Variants in LINGO1 observed in about 807,000 individuals in gnomAD.
The protein encoded by LINGO1 is leucine-rich repeat and immunoglobulin-like domain-containing nogo receptor-interacting protein 1.
LINGO1 carries 11 observed loss-of-function variants against 37.3 expected under a neutral mutation model. The observed-to-expected ratio is 0.29, with a 90% CI of 0.19 to 0.49. The LOEUF (loss-of-function observed/expected upper bound fraction) is 0.49, where lower values mean the gene tolerates loss of function less well. Among genes scored for constraint, LINGO1 ranks in the 20% least tolerant of loss-of-function variants. LINGO1 has a pLI of 0.99. For missense variants in LINGO1, 585 were observed against 878.2 expected (o/e 0.67, Z 4.22); for synonymous variants, 387 against 403.0 (o/e 0.96, Z 0.48).
At chr15:77,704,869 C>G (rs2075830348) in intron 2 of LINGO1, among the ~76,000 whole-genome samples, 1 of 152,132 alleles carries the variant, frequency 6.6e-6, no homozygotes, top group South Asian at 2.1e-4. Flanking sequence ...CACCCTGAAC[C>G]CTGTCTCTGG....
chr15:77,806,979 C>T (rs951209530), intron 1 of LINGO1, among the ~76,000 whole-genome samples: 6 of 152,190 alleles, frequency 3.9e-5, no homozygotes, highest in Non-Finnish European at 7.3e-5. Context: ...TCCCCACCTG[C>T]CATGCAAAGC....
intron 1 of LINGO1, among the ~76,000 whole-genome samples, chr15:77,694,266 C>T (rs543484130): frequency 3.9e-5 from 6 of 152,230 alleles, no homozygotes; most frequent in South Asian, 4.2e-4. Context: ...ACGCTCCCAC[C>T]GATTCTCTAC....
intron 1 of LINGO1, among the ~76,000 whole-genome samples, chr15:77,748,200 C>T (rs556947294): frequency 2.0e-5 from 3 of 152,256 alleles, no homozygotes; most frequent in Non-Finnish European, 2.9e-5. Context: ...CAGCACCACA[C>T]TCTCTGAGCT....
At chr15:77,697,535 G>C (rs1567530275), upstream of LINGO1, among the ~76,000 whole-genome samples, 1 of 152,158 alleles carries the variant, frequency 6.6e-6, no homozygotes. Flanking sequence ...CCAGCCCAGA[G>C]TTCCCACAGC....
chr15:77,659,668 A>T (rs1470358415), intron 3 of LINGO1, among the ~76,000 whole-genome samples: 2 of 152,192 alleles, frequency 1.3e-5, no homozygotes, highest in Non-Finnish European at 2.9e-5. Flanking sequence ...AGAAGCAAAG[A>T]GTGGCCAGTC....
intron 2 of LINGO1, among the ~76,000 whole-genome samples, chr15:77,721,508 C>A (rs552344329): frequency 6.6e-6 from 1 of 152,182 alleles, no homozygotes. Context: ...GTAGATACAC[C>A]GCAGCTTCAC....
At chr15:77,763,200 A>T (rs1055178706) in intron 1 of LINGO1, among the ~76,000 whole-genome samples, 1 of 152,182 alleles carries the variant, frequency 6.6e-6, no homozygotes, top group Non-Finnish European at 1.5e-5. Flanking sequence ...CTAATTAAGC[A>T]GTTTATGAAA....
chr15:77,689,603 G>C (rs1374807780), intron 2 of LINGO1, among the ~76,000 whole-genome samples: 1 of 152,164 alleles, frequency 6.6e-6, no homozygotes, highest in Non-Finnish European at 1.5e-5. Context: ...CTCCATGTGG[G>C]GGGTGGGAAG....
intron 1 of LINGO1, chr15:77,819,425 TATGCGCGTGAGAGCGCGCAGCGTGTGC>T (rs1408559488): frequency 1.3e-5 from 2 of 151,418 alleles, no homozygotes; most frequent in Non-Finnish European, 3.0e-5. Flanking sequence ...AGGGCGTGTG[TATGCGCGTGAGAGCGCGCAGCGTGTGC>T]ATGTGCGTGT....
chr15:77,794,485 T>C (rs1313442295), intron 2 of LINGO1, among the ~76,000 whole-genome samples: 9 of 121,276 alleles, frequency 7.4e-5, no homozygotes, highest in African/African-American at 2.5e-4. Flanking sequence ...TGTATATACA[T>C]ACATATATAC....
intron 2 of LINGO1, among the ~76,000 whole-genome samples, chr15:77,682,244 C>T (rs2075427657): frequency 6.7e-6 from 1 of 148,748 alleles, no homozygotes; most frequent in Non-Finnish European, 1.5e-5. Flanking sequence ...TTCCCTATCT[C>T]TAATGCCATA....
At chr15:77,820,134 C>G (rs1294331706) in intron 1 of LINGO1, 2 of 152,060 alleles carry the variant, frequency 1.3e-5, no homozygotes, top group Non-Finnish European at 2.9e-5. Context: ...CCCCGCCGCC[C>G]CCTCCGCTCT....
intron 2 of LINGO1, among the ~76,000 whole-genome samples, chr15:77,687,538 TC>T: frequency 6.6e-6 from 1 of 152,324 alleles, no homozygotes; most frequent in East Asian, 1.9e-4. Context: ...GTGCTGGGAT[TC>T]CCAGATTCCC....
rs553617180 is a variant in LINGO1, at chr15:77,729,129, G to A, written c.-195+5863C>T. ...AGTTGGCACTAGGAGGGCCCAGCCG[G>A]CACTGGGAGGGAAGCTGGGAAGACT... On this transcript the variant is annotated intron_variant, in intron 2 of 3. Coordinates refer to the LINGO1 transcript ENST00000561686. 5.9e-5 allele frequency among the ~76,000 whole-genome samples: 9 copies of A among 152,340 alleles called. No individual in the cohort carries two copies. In the East Asian group the frequency reaches 1.5e-3, roughly 26 times the overall value.
intron 3 of LINGO1, among the ~76,000 whole-genome samples, chr15:77,645,933 T>G (rs1162909121): frequency 1.3e-5 from 2 of 152,202 alleles, no homozygotes; most frequent in Non-Finnish European, 2.9e-5. Context: ...CCAGGTGGCC[T>G]CGGTGTGGCT....
chr15:77,648,289 C>T (rs1057360328), intron 3 of LINGO1: 16 of 194,990 alleles, frequency 8.2e-5, no homozygotes, highest in African/African-American at 3.6e-4. Context: ...AGATCCATGA[C>T]TGGCAACATT....
rs1175368632 is a variant in LINGO1 at position 77,782,240 on chromosome 15, CACACACGTGCCCGCATACACAT to C, written c.-257+4607_-257+4628del. 8.9e-4 allele frequency among the ~76,000 whole-genome samples: 135 copies of C among 151,096 alleles called. 1 individual carries two copies. Among genetic ancestry groups the C allele is most frequent in the Middle Eastern group, 6.8e-3 (2 of 294 alleles). Reference sequence around the variant, plus strand: ...ACACACACACACACACACACACACACACACACGTGCCCGCATACACATGTGCGTCAGCAGGAGGTGGCTCTAG... The same window carrying C: ...ACACACACACACACACACACACACACGTGCGTCAGCAGGAGGTGGCTCTAG... On this transcript the variant is annotated intron_variant, in intron 1 of 3. Transcript: ENST00000561686.
At chr15:77,797,564 G>A (rs180905192) in intron 1 of LINGO1, among the ~76,000 whole-genome samples, 66 of 152,342 alleles carry the variant, frequency 4.3e-4, no homozygotes, top group Admixed American at 1.0e-3. Context: ...GGCTTCAACC[G>A]TGATGGTGAA....
intron 1 of LINGO1, among the ~76,000 whole-genome samples, chr15:77,617,819 T>C (rs530383499): frequency 7.4e-4 from 112 of 152,362 alleles, no homozygotes; most frequent in African/African-American, 2.7e-3. Flanking sequence ...TTCGTGGTTG[T>C]TGATTGACCA....
Sources: allele counts gnomAD v4.1 joint callset (sites outside exome capture counted in the v4.1 genomes callset), GRCh38; gene constraint gnomAD v4.1.1; transcripts MANE v1.5; gene names NCBI Gene and HGNC (gene_info 2026-07-23, HGNC 2026-07-21).